RC3H1: variants seen among roughly 807,000 people sequenced by gnomAD.
The protein encoded by RC3H1 is roquin-1.
In RC3H1, 50 loss-of-function variants were observed where a neutral mutation model predicts 138.2. That is an observed-to-expected ratio of 0.36 (90% CI 0.29 to 0.46). The LOEUF (loss-of-function observed/expected upper bound fraction) is 0.46, where lower values mean the gene tolerates loss of function less well. RC3H1 is among the 20% of genes least tolerant of loss of function. RC3H1 has a pLI of 1.00. For missense variants in RC3H1, 1,031 were observed against 1,388.1 expected, an observed-to-expected ratio of 0.74 and a Z score of 4.09; for synonymous variants, 462 against 489.1, an observed-to-expected ratio of 0.94 and a Z score of 0.73.
intron 1 of RC3H1, among the ~76,000 whole-genome samples, chr1:173,996,041 G>A (rs1193718104): frequency 2.0e-5 from 3 of 152,120 alleles, no homozygotes; most frequent in Non-Finnish European, 4.4e-5. Flanking sequence ...ATCACCTGAG[G>A]TCAGGAGTTT....
chr1:173,991,609 C>T (rs6425267), intron 2 of RC3H1, among the ~76,000 whole-genome samples: 43,961 of 152,038 alleles, frequency 0.29, 11,371 homozygotes, highest in African/African-American at 0.7. Context: ...GGTTTTTCAT[C>T]CATGTCCTTT....
intron 1 of RC3H1, among the ~76,000 whole-genome samples, chr1:174,006,144 T>C (rs1030643059): frequency 1.3e-5 from 2 of 151,940 alleles, no homozygotes; most frequent in African/African-American, 4.8e-5. Context: ...GAGGTGGAGG[T>C]TGCAGTGACC....
At position 173,941,391 on chromosome 1, in the gene RC3H1, G is replaced by A; in HGVS notation, c.3136-11C>T. ...AGAACACTGGTTTTCCTTTGAAAGA[G>A]AAGGAAATAAAATCAGTTATCATCT... On this transcript the variant is annotated splice_polypyrimidine_tract_variant and intron_variant, in intron 18 of 19. Coordinates refer to ENST00000367696, the MANE Select transcript of RC3H1 (RefSeq NM_172071.4). 1.3e-6 allele frequency: 2 copies of A among 1,539,634 alleles called. No individual in the cohort carries two copies. Among genetic ancestry groups the A allele is most frequent in the Non-Finnish European group, 1.8e-6 (2 of 1,112,854 alleles).
chr1:174,013,804 A>G (rs1442593144), intron 1 of RC3H1, among the ~76,000 whole-genome samples: 1 of 151,928 alleles, frequency 6.6e-6, no homozygotes, highest in Admixed American at 6.6e-5. Flanking sequence ...AGGGCCAGGC[A>G]CAGTGGCTCA....
intron 1 of RC3H1, among the ~76,000 whole-genome samples, chr1:174,000,667 A>G (rs1571238591): frequency 2.0e-5 from 3 of 152,162 alleles, no homozygotes; most frequent in African/African-American, 7.2e-5. Flanking sequence ...CCTTAACTTA[A>G]TTTTTCATTT....
In RC3H1 at chr1:173,982,724, T is replaced by C. The variant is rs1262282740; in HGVS notation, c.768+3A>G. 3.1e-6 allele frequency: 5 copies of C among 1,600,564 alleles called. No individual in the cohort carries two copies. The Admixed American group carries it at 5.2e-5, about 17-fold the overall frequency. ...CAAGCTGAGCTTTAATGTAGGTTCA[T>C]ACCTTGAAACAGGAGGCTCTATAAA... is the stretch of plus-strand genomic sequence containing the variant. On this transcript the variant is annotated splice_donor_region_variant and intron_variant, in intron 5 of 19. Transcript: ENST00000367696.
At chr1:173,976,723 AG>A (rs1424878442) in intron 7 of RC3H1, among the ~76,000 whole-genome samples, 1 of 152,194 alleles carries the variant, frequency 6.6e-6, no homozygotes, top group Non-Finnish European at 1.5e-5. Context: ...GACAGCAGTC[AG>A]GGAAAAAAAT....
chr1:173,973,961 G>A (rs1199213387), intron 7 of RC3H1, among the ~76,000 whole-genome samples: 1 of 152,100 alleles, frequency 6.6e-6, no homozygotes, highest in Non-Finnish European at 1.5e-5. Flanking sequence ...AGACAAATAA[G>A]CAAAATATAC....
chr1:173,939,528 CAAAAAAAAAAAAAA>C (rs61301994), intron 19 of RC3H1, among the ~76,000 whole-genome samples: 14 of 35,944 alleles, frequency 3.9e-4, no homozygotes, highest in African/African-American at 1.3e-3. Flanking sequence ...GAGATTTTAT[CAAAAAAAAAAAAAA>C]AAAAAAAAAA....
rs1405351604 is a variant in RC3H1, at chr1:173,953,192, A to T, written c.2371-1054T>A. On this transcript the variant is annotated intron_variant, in intron 13 of 19. Transcript: ENST00000367696. ...TCTTTGTCCTACTACTATTTAAAAA[A>T]TTTTTATCCTTTTTTATTTTTCTTC... Among the ~76,000 whole-genome samples, 5 of 152,212 alleles carry T rather than the reference A, an allele frequency of 3.3e-5. No homozygotes were observed. In the East Asian group the frequency reaches 9.6e-4, roughly 29 times the overall value.
At chr1:173,958,439 G>A (rs982534886) in intron 13 of RC3H1, among the ~76,000 whole-genome samples, 2 of 152,024 alleles carry the variant, frequency 1.3e-5, no homozygotes. Flanking sequence ...CAGTTACTGG[G>A]GGAGGCTGAG....
intron 2 of RC3H1, among the ~76,000 whole-genome samples, chr1:173,987,270 T>A (rs1002100358): frequency 6.6e-6 from 1 of 152,226 alleles, no homozygotes; most frequent in African/African-American, 2.4e-5. Flanking sequence ...GTAATTAATT[T>A]GGAATTCTGC....
At chr1:173,971,640 T>C (rs1660365549) in intron 8 of RC3H1, among the ~76,000 whole-genome samples, 1 of 152,212 alleles carries the variant, frequency 6.6e-6, no homozygotes, top group South Asian at 2.1e-4. Context: ...CTCATTACTC[T>C]TGTTATTTTC....
intron 1 of RC3H1, chr1:174,015,880 T>C (rs2103108211): frequency 6.6e-6 from 1 of 152,170 alleles, no homozygotes; most frequent in East Asian, 1.9e-4. Flanking sequence ...ATTTTTATTT[T>C]TGTATTTGTT....
At chr1:174,018,376 AAGT>A (rs1262631345) in intron 1 of RC3H1, among the ~76,000 whole-genome samples, 3 of 152,198 alleles carry the variant, frequency 2.0e-5, no homozygotes, top group African/African-American at 7.2e-5. Context: ...AATATTATAT[AAGT>A]AAACAGGCAC....
At chr1:173,986,440 A>T (rs1195369651) in intron 2 of RC3H1, among the ~76,000 whole-genome samples, 1 of 152,112 alleles carries the variant, frequency 6.6e-6, no homozygotes, top group East Asian at 1.9e-4. Flanking sequence ...CACCACACCC[A>T]GCTAATTTTG....
intron 5 of RC3H1, among the ~76,000 whole-genome samples, chr1:173,981,814 T>C (rs369530711): frequency 1.7e-4 from 26 of 152,050 alleles, no homozygotes; most frequent in East Asian, 1.2e-3. Context: ...GGCAGGAGAA[T>C]TGCTTGACCC....
chr1:173,949,148 G>T (rs1169508086), intron 14 of RC3H1, among the ~76,000 whole-genome samples: 1 of 141,758 alleles, frequency 7.1e-6, no homozygotes, highest in African/African-American at 2.6e-5. Context: ...GGGTGGGGCT[G>T]GCATATAATT....
In RC3H1 at chr1:173,964,131, G is replaced by A; in HGVS notation, c.1673C>T (p.Pro558Leu). 4 of 1,614,084 alleles carry A rather than the reference G, an allele frequency of 2.5e-6. No homozygotes were observed. The highest frequency in any genetic ancestry group is 3.4e-6 in the Non-Finnish European group (4 of 1,180,000). ...SALPVNPHSI[P>L]PRGPADLPPM... ...AGGCAGATCTGCTGGCCCCCTTGGA[G>A]GTATAGAATGTGGATTCACAGGTAA... The change falls in exon 11 of 20, where the codon CCT (proline) becomes CTT (leucine). Residue 558 changes from proline to leucine, a missense_variant. This residue lies in a region of RC3H1 where 716 missense variants were observed against 837.9 expected (regional missense o/e 0.85). Coordinates refer to ENST00000367696, the MANE Select transcript of RC3H1 (RefSeq NM_172071.4).
Sources: gnomAD v4.1 joint callset for allele counts (sites outside exome capture counted in the v4.1 genomes callset) on GRCh38, gnomAD v4.1.1 for gene constraint, gnomAD v4.1.1 regional missense constraint, MANE v1.5 for transcripts, NCBI Gene and HGNC (gene_info 2026-07-23, HGNC 2026-07-21) for gene names.